The following TRIM5 variants were observed in gnomAD, a reference collection of about 807,000 sequenced individuals.
TRIM5 encodes tripartite motif-containing protein 5.
A neutral mutation model predicts 35.6 loss-of-function variants in TRIM5; 31 were observed. That is an observed-to-expected ratio of 0.87 (90% CI 0.65 to 1.18). The LOEUF (loss-of-function observed/expected upper bound fraction) is 1.18. TRIM5 is among the 50% of genes most tolerant of loss of function. TRIM5 has a pLI of 0.00. For synonymous variants in TRIM5, 243 were observed against 215.6 expected (o/e 1.13, Z -1.11); for missense variants, 609 against 591.6 (o/e 1.03, Z -0.31).
chr11:5,657,666 TTATAA>T, the TRIM5 span, among the ~76,000 whole-genome samples: 6 of 101,258 alleles, frequency 5.9e-5, 1 homozygote, highest in Admixed American at 1.2e-4. Flanking sequence ...TAATATATAT[TTATAA>T]TATAATATAT....
chr11:5,597,650 C>T, the TRIM5 span, among the ~76,000 whole-genome samples: 1 of 152,140 alleles, frequency 6.6e-6, no homozygotes, highest in African/African-American at 2.4e-5. Flanking sequence ...GGTGGACGGG[C>T]CCGCTCTGTC....
the TRIM5 span, chr11:5,632,821 CCTTTTT>C: frequency 8.4e-7 from 1 of 1,189,826 alleles, no homozygotes; most frequent in Non-Finnish European, 1.1e-6. Context: ...ACCTTTTCAT[CCTTTTT>C]TTTTTTTTTT....
the TRIM5 span, chr11:5,595,477 C>G: frequency 6.6e-6 from 1 of 152,042 alleles, no homozygotes; most frequent in Non-Finnish European, 1.5e-5. Context: ...GCAAAACATG[C>G]CATTATGCAA....
the TRIM5 span, chr11:5,604,419 A>G: frequency 8.6e-7 from 1 of 1,158,290 alleles, no homozygotes; most frequent in South Asian, 2.0e-5. Context: ...TTTTCATCCT[A>G]GGTTAGGACA....
chr11:5,596,543 T>TCCCCCTTCCCCTTTCCCCTC, the TRIM5 span: 2 of 24,650 alleles, frequency 8.1e-5, no homozygotes, highest in Non-Finnish European at 1.5e-4. Context: ...CCTTCCCCCT[T>TCCCCCTTCCCCTTTCCCCTC]CCCCCTTCCC....
At chr11:5,669,751 A>C (rs1851434420) in intron 4 of TRIM5, among the ~76,000 whole-genome samples, 1 of 152,320 alleles carries the variant, frequency 6.6e-6, no homozygotes, top group South Asian at 2.1e-4. Context: ...TGATCCCAGC[A>C]CTTTGGGAGG....
the TRIM5 span, chr11:5,632,109 C>T: frequency 8.7e-7 from 1 of 1,155,512 alleles, no homozygotes; most frequent in Non-Finnish European, 1.2e-6. Context: ...AACAGCTCGC[C>T]CAGACCACTT....
At chr11:5,616,784 T>C in the TRIM5 span, among the ~76,000 whole-genome samples, 3 of 141,232 alleles carry the variant, frequency 2.1e-5, no homozygotes, top group Non-Finnish European at 4.6e-5. Context: ...CTGTTGCCCA[T>C]GCTGGAGTGC....
chr11:5,669,333 G>C (rs1851401259), intron 4 of TRIM5, among the ~76,000 whole-genome samples: 1 of 152,156 alleles, frequency 6.6e-6, no homozygotes, highest in Non-Finnish European at 1.5e-5. Context: ...GCCTGCCTCA[G>C]CCTCCCTAAG....
Position 5,664,694 on chromosome 11 carries a change from G to T in TRIM5, c.*115C>A, listed in dbSNP as rs556499256. ...CTGATGAGTGAAGGACGTTCAAATA[G>T]AAAGAAGGGAGACAGCAAGGAAAAG... On this transcript the variant is annotated 3_prime_UTR_variant, in exon 8 of 8. Transcript: ENST00000380034. 79 of 1,474,290 alleles carry T rather than the reference G, an allele frequency of 5.4e-5. No homozygotes were observed. In the South Asian group the frequency reaches 1.1e-3, roughly 21 times the overall value. The allele number at this position is 1,474,290 out of a possible 1,614,324, so 91.3% of individuals were successfully genotyped here. A position where few individuals can be genotyped will look rare whatever the true frequency, so the allele number is the denominator to read the frequency against.
intron 4 of TRIM5, among the ~76,000 whole-genome samples, chr11:5,674,643 T>C (rs1590254547): frequency 6.6e-6 from 1 of 152,262 alleles, no homozygotes. Context: ...GCTCTAGATC[T>C]GTGCAGTGGA....
intron 4 of TRIM5, among the ~76,000 whole-genome samples, chr11:5,675,144 T>G (rs1040920612): frequency 1.3e-5 from 2 of 151,974 alleles, no homozygotes; most frequent in Admixed American, 1.3e-4. Flanking sequence ...TTCTCCTGCC[T>G]CAGCCTCCCA....
chr11:5,638,366 A>G, the TRIM5 span, among the ~76,000 whole-genome samples: 4 of 152,354 alleles, frequency 2.6e-5, no homozygotes, highest in East Asian at 7.7e-4. Context: ...ATCTGTGACT[A>G]AAGTAATACC....
rs533093808 is a variant in TRIM5, at chr11:5,677,288, G to A, written c.744+916C>T. Among the ~76,000 whole-genome samples the A allele has an allele frequency of 1.4e-4, 21 of 152,200 alleles. No homozygotes were observed. The East Asian group carries it at 4.1e-3, about 29-fold the overall frequency. On this transcript the variant is annotated intron_variant, in intron 4 of 7. Coordinates refer to ENST00000380034, the MANE Select transcript of TRIM5 (RefSeq NM_033034.3). ...AACAAACAACCCCATCAAAAAGTGG[G>A]CGAAGGACATGAACAGACACTTCTC...
the TRIM5 span, among the ~76,000 whole-genome samples, chr11:5,608,986 G>T: frequency 2.0e-5 from 3 of 150,610 alleles, no homozygotes; most frequent in Non-Finnish European, 4.4e-5. Flanking sequence ...TATTTCTCAA[G>T]GTCTAAGAAT....
At chr11:5,674,005 C>T (rs1021879981) in intron 4 of TRIM5, among the ~76,000 whole-genome samples, 3 of 151,414 alleles carry the variant, frequency 2.0e-5, no homozygotes, top group Admixed American at 2.0e-4. Flanking sequence ...ACAAAAAACT[C>T]AACGAAAAAG....
the TRIM5 span, chr11:5,645,880 AAT>A: frequency 7.6e-4 from 105 of 137,384 alleles, no homozygotes; most frequent in African/African-American, 2.9e-3. Context: ...AAAAAAAAAA[AAT>A]ATATATATAT....
At chr11:5,668,482 C>T (rs1329967366) in intron 4 of TRIM5, among the ~76,000 whole-genome samples, 2 of 151,994 alleles carry the variant, frequency 1.3e-5, no homozygotes, top group Admixed American at 6.6e-5. Flanking sequence ...AAGAAGGAGT[C>T]TCACTTTGTT....
At chr11:5,657,396 A>G in the TRIM5 span, among the ~76,000 whole-genome samples, 2 of 150,276 alleles carry the variant, frequency 1.3e-5, no homozygotes, top group East Asian at 3.9e-4. Flanking sequence ...CCACCATGGT[A>G]CGTGTATACC....
Sources: gnomAD v4.1 joint callset for allele counts (sites outside exome capture counted in the v4.1 genomes callset) on GRCh38, gnomAD v4.1.1 for gene constraint, MANE v1.5 for transcripts, NCBI Gene and HGNC (gene_info 2026-07-23, HGNC 2026-07-21) for gene names.